The following CEP55 variants were observed in gnomAD, a reference collection of about 807,000 sequenced individuals.
CEP55 encodes the protein centrosomal protein 55.
In CEP55, 57 loss-of-function variants were observed where a neutral mutation model predicts 63.2. The observed-to-expected ratio is 0.90, with a 90% CI of 0.73 to 1.13. The LOEUF is 1.13. CEP55 is among the 50% of genes most tolerant of loss of function. The probability of loss-of-function intolerance (pLI) is 0.00; values close to 1 mark genes in which losing one functional copy is unlikely to be tolerated. For missense variants in CEP55, 456 were observed against 518.9 expected, an observed-to-expected ratio of 0.88 and a Z score of 1.18; for synonymous variants, 178 against 191.6, an observed-to-expected ratio of 0.93 and a Z score of 0.59.
intron 1 of CEP55, among the ~76,000 whole-genome samples, chr10:93,499,255 G>A (rs2057605870): frequency 6.6e-6 from 1 of 152,044 alleles, no homozygotes; most frequent in Non-Finnish European, 1.5e-5. Flanking sequence ...TTATTAAGAT[G>A]GATCTGAACT....
At chr10:93,524,569 G>A (rs991315203) in intron 8 of CEP55, among the ~76,000 whole-genome samples, 12 of 152,054 alleles carry the variant, frequency 7.9e-5, no homozygotes, top group African/African-American at 1.9e-4. Flanking sequence ...AAAAAAGGGA[G>A]TCCTCCCTAA....
At chr10:93,526,952 A>C (rs547495403) in intron 8 of CEP55, among the ~76,000 whole-genome samples, 1 of 152,200 alleles carries the variant, frequency 6.6e-6, no homozygotes, top group African/African-American at 2.4e-5. Flanking sequence ...GGGAGTGGGG[A>C]GGGATAGCAT....
At chr10:93,507,696 T>C (rs867666913) in intron 4 of CEP55, among the ~76,000 whole-genome samples, 2 of 152,238 alleles carry the variant, frequency 1.3e-5, no homozygotes, top group African/African-American at 2.4e-5. Flanking sequence ...TTGCCCAAGC[T>C]GGAATGGACT....
intron 3 of CEP55, 87 bp downstream of exon 3, chr10:93,503,475 G>A: frequency 7.7e-7 from 1 of 1,298,466 alleles, no homozygotes; most frequent in Non-Finnish European, 1.1e-6. Context: ...GTTAAGACAT[G>A]CTTCCCAAAT....
rs7908961 is a variant in CEP55 at position 93,516,575 on chromosome 10, G to T, written c.680-360G>T. 2.0e-5 allele frequency among the ~76,000 whole-genome samples: 3 copies of T among 151,748 alleles called. No individual in the cohort carries two copies. In the East Asian group the frequency reaches 5.8e-4, roughly 29 times the overall value. On this transcript the variant is annotated intron_variant, in intron 5 of 8. Transcript: ENST00000371485. ...CCCTGTCTTTCCCATCCCAATCCCC[G>T]TTTCTTCCTCCCATCAGGCAACTGC...
At chr10:93,517,384 A>C (rs1445732456) in intron 6 of CEP55, 136 bp downstream of exon 6, 9 of 613,136 alleles carry the variant, frequency 1.5e-5, no homozygotes, top group Admixed American at 3.5e-5. Flanking sequence ...CCAGAACAGA[A>C]ACAGACCATA....
intron 4 of CEP55, among the ~76,000 whole-genome samples, chr10:93,508,632 C>T (rs1267808949): frequency 6.6e-6 from 1 of 152,224 alleles, no homozygotes; most frequent in Non-Finnish European, 1.5e-5. Context: ...ACCTGCACCA[C>T]AATGGCTTTC....
chr10:93,503,355 T>C lies in CEP55; in HGVS notation c.426T>C (p.Leu142=). 1.9e-6 allele frequency: 3 copies of C among 1,614,152 alleles called. No individual in the cohort carries two copies. The highest frequency in any genetic ancestry group is 2.5e-6 in the Non-Finnish European group (3 of 1,180,010). Residue 142 remains leucine (L), a synonymous_variant, in exon 3 of 9, where the codon CTT becomes CTC. Coordinates refer to ENST00000371485, the MANE Select transcript of CEP55 (RefSeq NM_018131.5). ...LSAATSRIAE[L]ESKTNTLRLS... ...CTGCAACCTCACGAATTGCTGAACT[T>C]GAAAGCAAAACCAATACACTCCGTT...
chr10:93,516,092 G>A (rs2057800864), intron 5 of CEP55, among the ~76,000 whole-genome samples: 1 of 152,130 alleles, frequency 6.6e-6, no homozygotes, highest in African/African-American at 2.4e-5. Context: ...GGGCAGGAAA[G>A]GTCAGTATTC....
rs1187715901 is a variant in CEP55 at position 93,503,326 on chromosome 10, T to G, written c.397T>G (p.Ser133Ala). ...EEKDVLKQQL[S>A]AATSRIAELE... ...GAAAGACGTATTGAAACAACAGTTGTCTGCTGCAACCTCACGAATTGCTGA... is the reference window on the plus strand; with the variant it reads ...GAAAGACGTATTGAAACAACAGTTGGCTGCTGCAACCTCACGAATTGCTGA... Residue 133 changes from serine (S) to alanine (A), a missense_variant, in exon 3 of 9, where the codon TCT becomes GCT. Coordinates refer to ENST00000371485, the MANE Select transcript of CEP55 (RefSeq NM_018131.5). 4.3e-6 allele frequency: 7 copies of G among 1,614,098 alleles called. No homozygotes were observed. Among genetic ancestry groups the G allele is most frequent in the Non-Finnish European group, 5.9e-6 (7 of 1,180,044 alleles).
intron 8 of CEP55, among the ~76,000 whole-genome samples, chr10:93,525,229 A>T (rs1324899738): frequency 6.6e-6 from 1 of 152,218 alleles, no homozygotes; most frequent in African/African-American, 2.4e-5. Flanking sequence ...GCTGATAAGC[A>T]ACTTCAGCAA....
intron 1 of CEP55, among the ~76,000 whole-genome samples, chr10:93,499,290 C>G (rs745900003): frequency 6.6e-6 from 1 of 152,236 alleles, no homozygotes; most frequent in South Asian, 2.1e-4. Flanking sequence ...AACAGAGGAC[C>G]TATGTTAAGT....
At chr10:93,515,634 T>G (rs2057796657) in intron 5 of CEP55, 79 bp downstream of exon 5, 1 of 1,384,606 alleles carries the variant, frequency 7.2e-7, no homozygotes, top group Non-Finnish European at 9.8e-7. Flanking sequence ...ATTTAGATTT[T>G]TATAGATATG....
In CEP55 at chr10:93,515,555, G is replaced by T; in HGVS notation, c.679G>T (p.Gly227Cys). 6.3e-7 allele frequency: 1 copy of T among 1,599,830 alleles called. No homozygotes were observed. Among genetic ancestry groups the T allele is most frequent in the Non-Finnish European group, 8.5e-7 (1 of 1,170,430 alleles). ...PQQTKKPESEGYLQEEKQKCY... is the reference protein window; with the variant it reads ...PQQTKKPESECYLQEEKQKCY... ...GCAGACAAAAAAGCCTGAATCAGAA[G>T]GTACTGACTGGTATAAAAATGTTCT... The change falls in exon 5 of 9, where the codon GGT (glycine) becomes TGT (cysteine). Residue 227 changes from glycine (G) to cysteine (C), a missense_variant and splice_region_variant. Coordinates refer to ENST00000371485, the MANE Select transcript of CEP55 (RefSeq NM_018131.5).
Position 93,518,963 on chromosome 10 carries a change from T to C in CEP55, c.1065+15T>C. Reference sequence around the variant, plus strand: ...TGGAACAACAGGTACTCATTCGGGTTGCTTCTAAATTCAATTCTGCCTGTT... The same window carrying C: ...TGGAACAACAGGTACTCATTCGGGTCGCTTCTAAATTCAATTCTGCCTGTT... On this transcript the variant is annotated intron_variant, in intron 7 of 8. Coordinates refer to ENST00000371485, the MANE Select transcript of CEP55 (RefSeq NM_018131.5). The C allele has an allele frequency of 1.2e-6, 2 of 1,602,126 alleles. No homozygotes were observed. Among genetic ancestry groups the C allele is most frequent in the Non-Finnish European group, 1.7e-6 (2 of 1,169,086 alleles).
intron 8 of CEP55, among the ~76,000 whole-genome samples, chr10:93,521,046 G>A (rs565858195): frequency 7.9e-5 from 12 of 152,240 alleles, no homozygotes; most frequent in South Asian, 2.1e-4. Context: ...CACAGAAGAC[G>A]GATGATTTCT....
At chr10:93,510,368 A>T (rs973250306) in intron 4 of CEP55, among the ~76,000 whole-genome samples, 1 of 152,234 alleles carries the variant, frequency 6.6e-6, no homozygotes, top group Non-Finnish European at 1.5e-5. Flanking sequence ...TTAACAGAAA[A>T]GTTACAAGAA....
chr10:93,524,166 A>T (rs1363241530), intron 8 of CEP55, among the ~76,000 whole-genome samples: 1 of 152,152 alleles, frequency 6.6e-6, no homozygotes, highest in Non-Finnish European at 1.5e-5. Flanking sequence ...TTTTTTGAAA[A>T]GATCAACAAA....
In CEP55 at chr10:93,515,521, A is replaced by C. The variant is rs1254035845; in HGVS notation, c.645A>C (p.Ser215=). The change falls in exon 5 of 9, where the codon TCA becomes TCC. Residue 215 remains serine (S), a synonymous_variant. Coordinates refer to ENST00000371485, the MANE Select transcript of CEP55 (RefSeq NM_018131.5). Reference sequence around the variant, plus strand: ...AGAAAACGGAAACAGCTGCTCATTCACTCCCACAGCAGACAAAAAAGCCTG... The same window carrying C: ...AGAAAACGGAAACAGCTGCTCATTCCCTCCCACAGCAGACAAAAAAGCCTG... ...LEKKTETAAH[S]LPQQTKKPES... 1.2e-6 allele frequency: 2 copies of C among 1,613,480 alleles called. No homozygotes were observed. Among genetic ancestry groups the C allele is most frequent in the Non-Finnish European group, 1.7e-6 (2 of 1,179,694 alleles).
Sources: allele counts gnomAD v4.1 joint callset (sites outside exome capture counted in the v4.1 genomes callset), GRCh38; gene constraint gnomAD v4.1.1; transcripts MANE v1.5; gene names NCBI Gene and HGNC (gene_info 2026-07-23, HGNC 2026-07-21).